NELL1: variants seen among roughly 807,000 people sequenced by gnomAD.
NELL1 encodes the protein protein kinase C-binding protein NELL1.
Under a neutral mutation model 107.4 loss-of-function variants are expected in NELL1, and 76 were observed. That is an observed-to-expected ratio of 0.71 (90% CI 0.59 to 0.86). The LOEUF is 0.86. NELL1 is among the 40% of genes least tolerant of loss of function. The probability of loss-of-function intolerance (pLI) is 0.00; values close to 1 mark genes in which losing one functional copy is unlikely to be tolerated. For synonymous variants in NELL1, 353 were observed against 341.2 expected (o/e 1.03, Z -0.38); for missense variants, 1,024 against 1,005.5 (o/e 1.02, Z -0.25).
At chr11:21,096,018 A>G (rs1298239196) in intron 12 of NELL1, among the ~76,000 whole-genome samples, 1 of 152,146 alleles carries the variant, frequency 6.6e-6, no homozygotes, top group Non-Finnish European at 1.5e-5. Flanking sequence ...TGAGAACAGC[A>G]AGGGAAAGTC....
intron 16 of NELL1, among the ~76,000 whole-genome samples, chr11:21,557,415 CAAATATTTTA>C (rs1344887751): frequency 6.6e-6 from 1 of 151,886 alleles, no homozygotes; most frequent in Admixed American, 6.6e-5. Context: ...GCAAAATAAC[CAAATATTTTA>C]AAAGCATAAT....
chr11:21,218,205 A>AT (rs1857664865), intron 13 of NELL1, among the ~76,000 whole-genome samples: 1 of 152,148 alleles, frequency 6.6e-6, no homozygotes, highest in African/African-American at 2.4e-5. Context: ...GGGGACTATA[A>AT]TTGATTCTAA....
intron 4 of NELL1, among the ~76,000 whole-genome samples, chr11:20,854,696 C>T (rs539469428): frequency 4.4e-5 from 1 of 22,802 alleles, no homozygotes; most frequent in South Asian, 5.1e-3. Flanking sequence ...CTGCCTCAGA[C>T]ATGTGACAGT....
chr11:20,765,869 G>A (rs549731319), intron 2 of NELL1, among the ~76,000 whole-genome samples: 7 of 152,280 alleles, frequency 4.6e-5, no homozygotes, highest in African/African-American at 1.4e-4. Flanking sequence ...ATTTCCAAGT[G>A]TGCATTCCAG....
chr11:21,456,541 T>G (rs1410103803), intron 15 of NELL1, among the ~76,000 whole-genome samples: 3 of 152,168 alleles, frequency 2.0e-5, no homozygotes, highest in African/African-American at 7.2e-5. Flanking sequence ...AAAAAGTATT[T>G]TTTTTTGGAT....
chr11:20,958,271 G>T (rs748714044), intron 11 of NELL1, among the ~76,000 whole-genome samples: 21 of 151,842 alleles, frequency 1.4e-4, no homozygotes, highest in Non-Finnish European at 3.1e-4. Context: ...AAAATTAGCT[G>T]GGCCTGGTGG....
At chr11:21,027,391 G>T (rs1453268249) in intron 12 of NELL1, among the ~76,000 whole-genome samples, 1 of 148,500 alleles carries the variant, frequency 6.7e-6, no homozygotes, top group African/African-American at 2.6e-5. Flanking sequence ...GATCCTGGAT[G>T]TTTTTTTATT....
chr11:21,368,648 C>A (rs1851288397), intron 14 of NELL1, among the ~76,000 whole-genome samples: 1 of 151,998 alleles, frequency 6.6e-6, no homozygotes, highest in South Asian at 2.1e-4. Flanking sequence ...GAAAACTACC[C>A]TTGTTAGGAA....
intron 15 of NELL1, among the ~76,000 whole-genome samples, chr11:21,505,695 A>T (rs1310737365): frequency 6.6e-6 from 1 of 152,144 alleles, no homozygotes; most frequent in Non-Finnish European, 1.5e-5. Context: ...TATCTTTCCT[A>T]TGGAATTTCC....
At chr11:21,541,161 AG>A (rs1255196464) in intron 16 of NELL1, among the ~76,000 whole-genome samples, 1 of 152,120 alleles carries the variant, frequency 6.6e-6, no homozygotes, top group Non-Finnish European at 1.5e-5. Flanking sequence ...TTCATTCACA[AG>A]AAAGCCCATG....
At chr11:21,430,610 A>G (rs1026201090) in intron 15 of NELL1, among the ~76,000 whole-genome samples, 2 of 152,104 alleles carry the variant, frequency 1.3e-5, no homozygotes, top group Admixed American at 6.6e-5. Context: ...AATCCCCTCA[A>G]ATAGAATCTT....
At chr11:21,281,494 A>G (rs1381787324) in intron 14 of NELL1, among the ~76,000 whole-genome samples, 1 of 152,176 alleles carries the variant, frequency 6.6e-6, no homozygotes, top group Non-Finnish European at 1.5e-5. Context: ...TTCCCTGAAG[A>G]GAAGGATGCA....
Position 21,529,351 on chromosome 11 carries a change from A to C in NELL1, c.1646-5023A>C, listed in dbSNP as rs117610263. ...CATGACCTTACATATCTTCAAAGGA[A>C]GCATGCTCCAGGCACATCCCTAAGA... On this transcript the variant is annotated intron_variant, in intron 15 of 19. Coordinates refer to ENST00000357134, the MANE Select transcript of NELL1 (RefSeq NM_006157.5). Among the ~76,000 whole-genome samples the C allele has an allele frequency of 2.1e-4, 32 of 152,302 alleles. 2 individuals are homozygous for C. In the East Asian group the frequency reaches 6.2e-3, roughly 29 times the overall value.
At chr11:21,314,242 G>T (rs989368522) in intron 14 of NELL1, among the ~76,000 whole-genome samples, 3 of 151,970 alleles carry the variant, frequency 2.0e-5, no homozygotes, top group African/African-American at 7.2e-5. Flanking sequence ...TCCATTCATG[G>T]CCCAATCACT....
chr11:21,015,230 G>A (rs1414899437), intron 12 of NELL1, among the ~76,000 whole-genome samples: 1 of 152,064 alleles, frequency 6.6e-6, no homozygotes, highest in Non-Finnish European at 1.5e-5. Flanking sequence ...TGGGATGCCT[G>A]TACAAAGAAT....
chr11:21,418,286 CTAAG>C (rs1852569307), intron 15 of NELL1, among the ~76,000 whole-genome samples: 1 of 151,952 alleles, frequency 6.6e-6, no homozygotes, highest in Non-Finnish European at 1.5e-5. Context: ...TGGATAGAAG[CTAAG>C]GGAGCTGTGG....
chr11:21,389,951 T>A (rs764056935), intron 15 of NELL1, among the ~76,000 whole-genome samples: 3 of 151,790 alleles, frequency 2.0e-5, no homozygotes, highest in Non-Finnish European at 4.4e-5. Flanking sequence ...TTGCTGGGCA[T>A]GCTTAGGTGT....
At chr11:20,700,755 G>A (rs970290519) in intron 2 of NELL1, among the ~76,000 whole-genome samples, 16 of 151,932 alleles carry the variant, frequency 1.1e-4, no homozygotes, top group African/African-American at 3.9e-4. Context: ...AAGAACATGC[G>A]GTGTTTGGTT....
chr11:21,054,929 T>G (rs1853577408), intron 12 of NELL1, among the ~76,000 whole-genome samples: 1 of 152,090 alleles, frequency 6.6e-6, no homozygotes, highest in Non-Finnish European at 1.5e-5. Flanking sequence ...ATCATCTTGC[T>G]TCTTTCCTTG....
Sources: allele counts gnomAD v4.1 joint callset (sites outside exome capture counted in the v4.1 genomes callset), GRCh38; gene constraint gnomAD v4.1.1; transcripts MANE v1.5; gene names NCBI Gene and HGNC (gene_info 2026-07-23, HGNC 2026-07-21).